The following CELF2 variants were observed in gnomAD, a reference collection of about 807,000 sequenced individuals.
CELF2 encodes CUG triplet repeat RNA-binding protein 2.
CELF2 carries 8 observed loss-of-function variants against 62.6 expected under a neutral mutation model. That is an observed-to-expected ratio of 0.13 (90% CI 0.07 to 0.23). The LOEUF (loss-of-function observed/expected upper bound fraction) is 0.23, where lower values mean the gene tolerates loss of function less well. CELF2 is among the 10% of genes least tolerant of loss of function. The pLI, the probability that CELF2 is intolerant of heterozygous loss-of-function variation, is 1.00. For missense variants in CELF2, 333 were observed against 671.0 expected (o/e 0.50, Z 5.56); for synonymous variants, 258 against 250.0 (o/e 1.03, Z -0.30).
chr10:10,493,730 C>T, the CELF2 span, among the ~76,000 whole-genome samples: 1 of 152,052 alleles, frequency 6.6e-6, no homozygotes, highest in Non-Finnish European at 1.5e-5. Flanking sequence ...GAGGGTTTCA[C>T]CACGTTGGCC....
intron 1 of CELF2, among the ~76,000 whole-genome samples, chr10:11,150,807 G>A (rs2132656300): frequency 6.6e-6 from 1 of 152,336 alleles, no homozygotes; most frequent in East Asian, 1.9e-4. Context: ...CAAATGTTAT[G>A]AATTCAGGAA....
the CELF2 span, among the ~76,000 whole-genome samples, chr10:10,493,639 C>A: frequency 8.6e-5 from 13 of 151,576 alleles, no homozygotes; most frequent in Non-Finnish European, 4.4e-5. Context: ...TCAAGCAATT[C>A]TCCCACCTCA....
the CELF2 span, among the ~76,000 whole-genome samples, chr10:10,608,295 G>A: frequency 6.6e-6 from 1 of 152,154 alleles, no homozygotes; most frequent in African/African-American, 2.4e-5. Flanking sequence ...AATGAGAAGA[G>A]AGAAAGCGTT....
chr10:10,634,749 C>T, the CELF2 span, among the ~76,000 whole-genome samples: 168 of 150,744 alleles, frequency 1.1e-3, no homozygotes, highest in African/African-American at 3.9e-3. Context: ...GCAACCTCCA[C>T]CTCCCGGGTT....
intron 1 of CELF2, among the ~76,000 whole-genome samples, chr10:11,095,346 G>T (rs1051112376): frequency 3.3e-5 from 5 of 152,186 alleles, no homozygotes; most frequent in African/African-American, 1.2e-4. Flanking sequence ...TGGCGGTTGT[G>T]TGCGGCATCA....
chr10:10,581,163 A>C, the CELF2 span, among the ~76,000 whole-genome samples: 1 of 152,212 alleles, frequency 6.6e-6, no homozygotes, highest in African/African-American at 2.4e-5. Flanking sequence ...GTTGTTTACA[A>C]GCTAACAAAT....
chr10:11,135,046 T>C (rs796904684), intron 1 of CELF2, among the ~76,000 whole-genome samples: 20 of 152,286 alleles, frequency 1.3e-4, no homozygotes, highest in African/African-American at 4.8e-4. Flanking sequence ...AGGTTAGTCT[T>C]GTAGATGGGT....
chr10:10,537,574 G>A, the CELF2 span, among the ~76,000 whole-genome samples: 1 of 152,112 alleles, frequency 6.6e-6, no homozygotes, highest in Non-Finnish European at 1.5e-5. Flanking sequence ...ACGACCTGGA[G>A]GCTTGCTTCG....
At chr10:10,706,058 C>T in the CELF2 span, among the ~76,000 whole-genome samples, 1 of 152,180 alleles carries the variant, frequency 6.6e-6, no homozygotes, top group African/African-American at 2.4e-5. Context: ...TTGCCAATTA[C>T]ACAAGGTGTT....
chr10:10,520,996 A>C, the CELF2 span, among the ~76,000 whole-genome samples: 74,754 of 151,962 alleles, frequency 0.49, 19,078 homozygotes, highest in South Asian at 0.65. Flanking sequence ...TGGTAACCAA[A>C]CTAGCTTATG....
At chr10:10,728,623 T>TG in the CELF2 span, among the ~76,000 whole-genome samples, 13 of 151,820 alleles carry the variant, frequency 8.6e-5, no homozygotes, top group Admixed American at 6.6e-4. Context: ...TAGGAGAGGG[T>TG]GGGGGACAGC....
At chr10:11,205,290 C>T (rs1452810001) in intron 2 of CELF2, among the ~76,000 whole-genome samples, 7 of 152,184 alleles carry the variant, frequency 4.6e-5, no homozygotes, top group African/African-American at 9.7e-5. Flanking sequence ...AGGCCTGTCG[C>T]GGCTGCATTT....
At chr10:10,670,553 C>G in the CELF2 span, among the ~76,000 whole-genome samples, 1 of 152,204 alleles carries the variant, frequency 6.6e-6, no homozygotes, top group South Asian at 2.1e-4. Context: ...CATCCCCAAC[C>G]AGAGTGGGGC....
chr10:10,541,384 A>C, the CELF2 span, among the ~76,000 whole-genome samples: 1 of 152,186 alleles, frequency 6.6e-6, no homozygotes, highest in Non-Finnish European at 1.5e-5. Flanking sequence ...ATTCAAGGCA[A>C]ATCCCTAGAC....
At chr10:11,313,447 T>C (rs1284175910) in intron 9 of CELF2, among the ~76,000 whole-genome samples, 2 of 152,184 alleles carry the variant, frequency 1.3e-5, no homozygotes, top group Non-Finnish European at 2.9e-5. Flanking sequence ...TTTATACCAA[T>C]ATAGAGTTGA....
At chr10:10,976,443 T>C (rs1364326159) in intron 2 of CELF2, among the ~76,000 whole-genome samples, 1 of 152,232 alleles carries the variant, frequency 6.6e-6, no homozygotes, top group East Asian at 1.9e-4. Flanking sequence ...TTCATGAAAT[T>C]AGTATGTCTC....
the CELF2 span, among the ~76,000 whole-genome samples, chr10:10,673,384 C>T: frequency 5.9e-5 from 9 of 152,058 alleles, no homozygotes; most frequent in Non-Finnish European, 1.0e-4. Flanking sequence ...AAGTAATAAA[C>T]CCTTTTTCAT....
chr10:10,814,520 A>C (rs890054824), intron 1 of CELF2, among the ~76,000 whole-genome samples: 1 of 152,206 alleles, frequency 6.6e-6, no homozygotes, highest in African/African-American at 2.4e-5. Context: ...GCAGCGCCGT[A>C]GTATCCCAGA....
intron 1 of CELF2, among the ~76,000 whole-genome samples, chr10:10,839,939 G>A (rs543044294): frequency 7.2e-5 from 11 of 152,270 alleles, no homozygotes; most frequent in South Asian, 6.2e-4. Context: ...TGGTTTATCC[G>A]GAATGTCATA....
Sources: gnomAD v4.1 joint callset for allele counts (sites outside exome capture counted in the v4.1 genomes callset) on GRCh38, gnomAD v4.1.1 for gene constraint, MANE v1.5 for transcripts, NCBI Gene and HGNC (gene_info 2026-07-23, HGNC 2026-07-21) for gene names.